CRLS1: variants seen among roughly 807,000 people sequenced by gnomAD.
The protein encoded by CRLS1 is cardiolipin synthase (CMP-forming).
In CRLS1, 24 loss-of-function variants were observed where a neutral mutation model predicts 37.0. The observed-to-expected ratio is 0.65, with a 90% CI of 0.47 to 0.91. The LOEUF (loss-of-function observed/expected upper bound fraction) is 0.91, where lower values mean the gene tolerates loss of function less well. CRLS1 is among the 40% of genes least tolerant of loss of function. CRLS1 has a pLI of 0.00. For missense variants in CRLS1, 373 were observed against 395.8 expected (o/e 0.94, Z 0.49); for synonymous variants, 135 against 159.7 (o/e 0.85, Z 1.17).
chr20:6,007,053 TTTAA>T (rs369450747), intron 1 of CRLS1, among the ~76,000 whole-genome samples: 75 of 152,284 alleles, frequency 4.9e-4, no homozygotes, highest in African/African-American at 1.4e-3. Flanking sequence ...TCTTTTAACC[TTTAA>T]TTATAGAAAA....
intron 2 of CRLS1, among the ~76,000 whole-genome samples, chr20:6,011,292 C>T (rs180929603): frequency 2.4e-4 from 37 of 152,046 alleles, no homozygotes; most frequent in Non-Finnish European, 8.8e-5. Flanking sequence ...AGTTGTATGC[C>T]GTCTTTCTTT....
At chr20:6,026,500 CTG>C (rs1979722855) in intron 3 of CRLS1, among the ~76,000 whole-genome samples, 1 of 152,174 alleles carries the variant, frequency 6.6e-6, no homozygotes. Flanking sequence ...TTCAATGTCT[CTG>C]AGGCATGCTT....
intron 3 of CRLS1, among the ~76,000 whole-genome samples, chr20:6,025,492 A>T (rs556382614): frequency 6.6e-5 from 10 of 152,228 alleles, no homozygotes; most frequent in Non-Finnish European, 1.3e-4. Context: ...ATGGAGATAT[A>T]CAAGAAAATT....
intron 6 of CRLS1, 106 bp downstream of exon 6, chr20:6,034,661 T>C: frequency 1.3e-6 from 1 of 783,906 alleles, no homozygotes. Flanking sequence ...ACTGACTGGG[T>C]AAAGCTGTGG....
chr20:6,026,435 G>A (rs534271131), intron 3 of CRLS1, among the ~76,000 whole-genome samples: 50 of 152,116 alleles, frequency 3.3e-4, no homozygotes, highest in African/African-American at 1.0e-3. Context: ...TGAAAAATTC[G>A]TGCAACTCAC....
At chr20:6,021,949 C>G (rs1310613216) in intron 3 of CRLS1, among the ~76,000 whole-genome samples, 2 of 152,150 alleles carry the variant, frequency 1.3e-5, no homozygotes, top group African/African-American at 4.8e-5. Flanking sequence ...TTCTTGAACT[C>G]CAATTATTTC....
At position 6,037,267 on chromosome 20, in the gene CRLS1, C is replaced by A; in HGVS notation, c.*109C>A. 2 of 618,702 alleles carry A rather than the reference C, an allele frequency of 3.2e-6. No individual in the cohort carries two copies. Among genetic ancestry groups the A allele is most frequent in the Non-Finnish European group, 2.6e-6 (1 of 382,556 alleles). 38.3% of individuals were successfully genotyped at this position (618,702 alleles called of 1,614,324 possible). A position where few individuals can be genotyped will look rare whatever the true frequency, so the allele number is the denominator to read the frequency against. On this transcript the variant is annotated 3_prime_UTR_variant, in exon 7 of 7. Coordinates refer to ENST00000378863, the MANE Select transcript of CRLS1 (RefSeq NM_019095.6). ...TTTTGGTGTTCAGCTTGAAAAAGGA[C>A]TTGTCAGAATCAACTGTGTCATCAA...
At chr20:6,006,723 T>A in intron 1 of CRLS1, 171 bp downstream of exon 1, 2 of 985,124 alleles carry the variant, frequency 2.0e-6, no homozygotes, top group Non-Finnish European at 2.4e-6. Flanking sequence ...AATTTCAGGG[T>A]CACCAGCGGG....
At chr20:6,019,645 A>AT (rs1250178356) in intron 3 of CRLS1, among the ~76,000 whole-genome samples, 4 of 85,136 alleles carry the variant, frequency 4.7e-5, no homozygotes, top group Non-Finnish European at 1.0e-4. Context: ...TTGTAGTTTT[A>AT]TTTTTTTTCT....
chr20:6,023,083 C>G (rs539899936), intron 3 of CRLS1, among the ~76,000 whole-genome samples: 1 of 151,956 alleles, frequency 6.6e-6, no homozygotes, highest in African/African-American at 2.4e-5. Flanking sequence ...CTATTTTATT[C>G]TTTTTTGGAC....
intron 3 of CRLS1, among the ~76,000 whole-genome samples, chr20:6,016,225 A>G (rs578192259): frequency 8.5e-5 from 13 of 152,336 alleles, no homozygotes; most frequent in African/African-American, 3.1e-4. Flanking sequence ...GTATCTGAGA[A>G]CAAAGAAGCT....
chr20:6,032,540 C>G (rs1980245834), intron 5 of CRLS1, among the ~76,000 whole-genome samples: 1 of 151,910 alleles, frequency 6.6e-6, no homozygotes, highest in South Asian at 2.1e-4. Context: ...ATGAAGAGTC[C>G]CTGGTGGTTT....
intron 6 of CRLS1, 37 bp downstream of exon 6, chr20:6,034,592 A>C: frequency 7.1e-7 from 1 of 1,409,798 alleles, no homozygotes; most frequent in Non-Finnish European, 1.0e-6. Context: ...TAGAATGTCA[A>C]CAGAATGACT....
intron 6 of CRLS1, among the ~76,000 whole-genome samples, chr20:6,036,014 A>G (rs1186151050): frequency 1.3e-5 from 2 of 152,160 alleles, no homozygotes; most frequent in Admixed American, 1.3e-4. Context: ...CTTGTTGGTC[A>G]GGCTGGTCTC....
intron 3 of CRLS1, among the ~76,000 whole-genome samples, chr20:6,030,724 A>G (rs1262185047): frequency 2.6e-5 from 4 of 152,154 alleles, no homozygotes; most frequent in Non-Finnish European, 5.9e-5. Flanking sequence ...GTCTCAAAAA[A>G]AAAAAAATTC....
chr20:6,032,737 C>A (rs1199081375), intron 5 of CRLS1, among the ~76,000 whole-genome samples: 1 of 152,184 alleles, frequency 6.6e-6, no homozygotes, highest in Non-Finnish European at 1.5e-5. Context: ...ACCTCTCAAG[C>A]CATATTTGTT....
chr20:6,011,552 C>G lies in CRLS1; in HGVS notation c.444+1640C>G, dbSNP rs13041305. On this transcript the variant is annotated intron_variant, in intron 2 of 6. Coordinates refer to ENST00000378863, the MANE Select transcript of CRLS1 (RefSeq NM_019095.6). Reference sequence around the variant, plus strand: ...ACCTCTTCCCATTCTCACAATCTTTCTCCTTTTCTTTTGTCCCTGCTTTTT... The same window carrying G: ...ACCTCTTCCCATTCTCACAATCTTTGTCCTTTTCTTTTGTCCCTGCTTTTT... Among the ~76,000 whole-genome samples, 19 of 100,410 alleles carry G rather than the reference C, an allele frequency of 1.9e-4. No homozygotes were observed. In the South Asian group the frequency reaches 7.2e-3, roughly 38 times the overall value. The allele number at this position is 100,410 out of a possible 152,430, so 65.9% of individuals were successfully genotyped here. A position where few individuals can be genotyped will look rare whatever the true frequency, so the allele number is the denominator to read the frequency against.
rs1320557004 is a variant in CRLS1 at position 6,039,410 on chromosome 20, A to T, written c.*2252A>T. The T allele has an allele frequency of 6.6e-6, 1 of 152,124 alleles. No individual in the cohort carries two copies. Among genetic ancestry groups the T allele is most frequent in the Non-Finnish European group, 1.5e-5 (1 of 68,016 alleles). 9.4% of individuals were successfully genotyped at this position (152,124 alleles called of 1,614,324 possible). On this transcript the variant is annotated 3_prime_UTR_variant, in exon 7 of 7. Coordinates refer to ENST00000378863, the MANE Select transcript of CRLS1 (RefSeq NM_019095.6). ...TAGGCCAATTCTTTTAGTTACATTT[A>T]TGATGAAACTAGGGATCTACCTTAA... is the stretch of plus-strand genomic sequence containing the variant.
At chr20:6,029,857 A>C (rs1458353726) in intron 3 of CRLS1, among the ~76,000 whole-genome samples, 1 of 150,666 alleles carries the variant, frequency 6.6e-6, no homozygotes, top group Non-Finnish European at 1.5e-5. Flanking sequence ...AGTATTATCC[A>C]TCAAGGACTA....
Sources: allele counts gnomAD v4.1 joint callset (sites outside exome capture counted in the v4.1 genomes callset), GRCh38; gene constraint gnomAD v4.1.1; transcripts MANE v1.5; gene names NCBI Gene and HGNC (gene_info 2026-07-23, HGNC 2026-07-21).